Variants in GABRA3 observed in about 807,000 individuals in gnomAD.
GABRA3 encodes the protein gamma-aminobutyric acid receptor subunit alpha-3.
A neutral mutation model predicts 30.1 loss-of-function variants in GABRA3; 10 were observed. That is an observed-to-expected ratio of 0.33 (90% confidence interval 0.20 to 0.56). The LOEUF is 0.56. Among genes scored for constraint, GABRA3 ranks in the 20% least tolerant of loss-of-function variants. GABRA3 has a pLI of 0.89. For synonymous variants in GABRA3, 151 were observed against 146.8 expected, an observed-to-expected ratio of 1.03 and a Z score of -0.21; for missense variants, 233 against 392.0, an observed-to-expected ratio of 0.59 and a Z score of 3.42.
chrX:152,448,041 C>T (rs1453124069), intron 1 of GABRA3, among the ~76,000 whole-genome samples: 3 of 112,536 alleles, frequency 2.7e-5, no homozygotes, highest in African/African-American at 9.7e-5. Context: ...TCTTTTCTTT[C>T]ATTTTCTAGT....
intron 1 of GABRA3, among the ~76,000 whole-genome samples, chrX:152,426,257 T>C (rs988381501): frequency 9.0e-6 from 1 of 111,593 alleles, no homozygotes; most frequent in Admixed American, 9.5e-5. Context: ...CATATGCGAA[T>C]AGTGGATACC....
intron 2 of GABRA3, among the ~76,000 whole-genome samples, chrX:152,359,576 ATTTCT>A (rs1928422267): frequency 4.1e-4 from 44 of 108,208 alleles, no homozygotes; most frequent in Admixed American, 3.9e-3. Flanking sequence ...GATTTTTGTT[ATTTCT>A]TGTCTTTTGC....
At chrX:152,412,929 G>C (rs1930108988) in intron 1 of GABRA3, among the ~76,000 whole-genome samples, 1 of 110,602 alleles carries the variant, frequency 9.0e-6, no homozygotes, top group Non-Finnish European at 1.9e-5. Flanking sequence ...AGAGAGAAAA[G>C]AGCAGAAAGA....
chrX:152,382,156 C>T (rs138890922), intron 1 of GABRA3, among the ~76,000 whole-genome samples: 1,932 of 112,107 alleles, frequency 0.017, 45 homozygotes, highest in African/African-American at 0.059. Flanking sequence ...GACAATTATG[C>T]AGCCAACAAA....
chrX:152,189,657 T>C, intron 9 of GABRA3, 73 bp downstream of exon 9: 2 of 756,144 alleles, frequency 2.6e-6, no homozygotes, highest in Non-Finnish European at 4.0e-6. Flanking sequence ...TTGCAGGCTA[T>C]AGGCTGCCCA....
chrX:152,376,574 T>C (rs1485068158), intron 1 of GABRA3, among the ~76,000 whole-genome samples: 2 of 111,323 alleles, frequency 1.8e-5, no homozygotes, highest in Non-Finnish European at 3.8e-5. Flanking sequence ...ATGACTCCTT[T>C]CTCTTAGACT....
At chrX:152,301,903 T>C (rs920161708) in intron 3 of GABRA3, among the ~76,000 whole-genome samples, 26 of 111,280 alleles carry the variant, frequency 2.3e-4, no homozygotes, top group Non-Finnish European at 4.0e-4. Flanking sequence ...AGTGGTAAAC[T>C]GACCTATTTG....
chrX:152,210,614 AAAT>A (rs768746280), intron 6 of GABRA3, among the ~76,000 whole-genome samples: 41 of 112,452 alleles, frequency 3.6e-4, no homozygotes, highest in Admixed American at 3.2e-3. Context: ...TGATTTTGTG[AAAT>A]AATAAGCAAA....
intron 8 of GABRA3, among the ~76,000 whole-genome samples, chrX:152,191,035 T>A (rs1057157977): frequency 1.1e-4 from 12 of 109,032 alleles, no homozygotes. Context: ...AGGGGGGTAA[T>A]AACACCAGAT....
At chrX:152,222,112 A>G (rs1480665960) in intron 6 of GABRA3, among the ~76,000 whole-genome samples, 2 of 110,779 alleles carry the variant, frequency 1.8e-5, no homozygotes, top group East Asian at 5.7e-4. Flanking sequence ...TTCTTTATTC[A>G]GTCTATTATT....
At chrX:152,412,542 C>G (rs1199496254) in intron 1 of GABRA3, among the ~76,000 whole-genome samples, 5 of 111,686 alleles carry the variant, frequency 4.5e-5, no homozygotes, top group African/African-American at 1.6e-4. Flanking sequence ...AAATGAAGTA[C>G]TAATACATTC....
intron 3 of GABRA3, among the ~76,000 whole-genome samples, chrX:152,293,769 G>A (rs1373966941): frequency 9.0e-6 from 1 of 111,176 alleles, no homozygotes; most frequent in Non-Finnish European, 1.9e-5. Flanking sequence ...GGGACCAGTT[G>A]TTCCTTTCCA....
At chrX:152,392,990 T>C (rs1317563758) in intron 1 of GABRA3, among the ~76,000 whole-genome samples, 2 of 111,747 alleles carry the variant, frequency 1.8e-5, no homozygotes, top group Non-Finnish European at 3.8e-5. Flanking sequence ...CAGATGACCA[T>C]TGCATGAACA....
At chrX:152,255,289 A>G (rs1007610156) in intron 5 of GABRA3, among the ~76,000 whole-genome samples, 13 of 112,227 alleles carry the variant, frequency 1.2e-4, no homozygotes, top group Middle Eastern at 9.3e-3. Flanking sequence ...TAAAATAAGT[A>G]TTTTTAAATT....
intron 1 of GABRA3, among the ~76,000 whole-genome samples, chrX:152,416,523 T>A (rs1172893911): frequency 4.5e-5 from 5 of 110,617 alleles, no homozygotes; most frequent in Non-Finnish European, 9.5e-5. Flanking sequence ...AAAAAACTAC[T>A]TTAAAGTTCA....
Position 152,224,856 on chromosome X carries a change from G to A in GABRA3, c.552-11C>T, listed in dbSNP as rs201981543. 2.7e-6 allele frequency: 3 copies of A among 1,121,842 alleles called. No homozygotes were observed. Among genetic ancestry groups the A allele is most frequent in the South Asian group, 2.0e-5 (1 of 49,299 alleles). 92.5% of individuals were successfully genotyped at this position (1,121,842 alleles called of 1,213,427 possible). The stretch of plus-strand genomic sequence containing the variant: ...GCATGAATTGTTAACCTAAAAGAAA[G>A]GCAAACAGAAAATGAAATTAAGCTA... On this transcript the variant is annotated splice_polypyrimidine_tract_variant and intron_variant, in intron 5 of 9. Coordinates refer to ENST00000370314, the MANE Select transcript of GABRA3 (RefSeq NM_000808.4).
intron 1 of GABRA3, among the ~76,000 whole-genome samples, chrX:152,373,962 CT>C (rs1273944185): frequency 9.0e-6 from 1 of 111,269 alleles, no homozygotes; most frequent in African/African-American, 3.3e-5. Context: ...TGAACTCATC[CT>C]TTTTTATGGC....
At chrX:152,420,930 G>A (rs2124537979) in intron 1 of GABRA3, among the ~76,000 whole-genome samples, 1 of 110,352 alleles carries the variant, frequency 9.1e-6, no homozygotes, top group East Asian at 2.9e-4. Flanking sequence ...TGTGAAAAAG[G>A]TGCCTGCTTC....
At chrX:152,201,426 G>A (rs1308576086) in intron 7 of GABRA3, among the ~76,000 whole-genome samples, 6 of 111,996 alleles carry the variant, frequency 5.4e-5, no homozygotes, top group Non-Finnish European at 1.1e-4. Context: ...CAGAAACGCA[G>A]AACAGTTTAG....
Sources: allele counts gnomAD v4.1 joint callset (sites outside exome capture counted in the v4.1 genomes callset), GRCh38; gene constraint gnomAD v4.1.1; transcripts MANE v1.5; gene names NCBI Gene and HGNC (gene_info 2026-07-23, HGNC 2026-07-21).